ACOXL: variants seen among roughly 807,000 people sequenced by gnomAD.
ACOXL encodes the protein acyl-coenzyme A oxidase-like protein.
ACOXL carries 70 observed loss-of-function variants against 71.9 expected under a neutral mutation model. The ratio of observed to expected loss-of-function variants is 0.97; its 90% CI spans 0.80 to 1.19. ACOXL has a LOEUF of 1.19. ACOXL is among the 50% of genes most tolerant of loss of function. ACOXL has a pLI of 0.00. For synonymous variants in ACOXL, 253 were observed against 281.6 expected, an observed-to-expected ratio of 0.90 and a Z score of 1.02; for missense variants, 703 against 736.3, an observed-to-expected ratio of 0.95 and a Z score of 0.52.
At chr2:110,742,214 G>T (rs899397541) in intron 1 of ACOXL, among the ~76,000 whole-genome samples, 1 of 152,158 alleles carries the variant, frequency 6.6e-6, no homozygotes, top group Non-Finnish European at 1.5e-5. Context: ...GGGTAATTTT[G>T]TAAAGGCTTT....
chr2:110,940,933 T>G (rs774435668), intron 12 of ACOXL, among the ~76,000 whole-genome samples: 1 of 149,372 alleles, frequency 6.7e-6, no homozygotes. Flanking sequence ...TATTTTAGTC[T>G]TTTAACTCCT....
chr2:110,842,587 A>G (rs977704215), intron 10 of ACOXL, among the ~76,000 whole-genome samples: 4 of 152,172 alleles, frequency 2.6e-5, no homozygotes, highest in African/African-American at 4.8e-5. Context: ...AGTTGTAGAG[A>G]TGGATAATTG....
intron 5 of ACOXL, among the ~76,000 whole-genome samples, chr2:110,796,652 C>T (rs751658428): frequency 1.3e-5 from 2 of 152,196 alleles, no homozygotes; most frequent in Admixed American, 6.5e-5. Flanking sequence ...CGCCCACCCA[C>T]ATGGGTTGTA....
At chr2:111,057,834 A>C (rs2149866938) in intron 16 of ACOXL, among the ~76,000 whole-genome samples, 1 of 152,368 alleles carries the variant, frequency 6.6e-6, no homozygotes, top group Non-Finnish European at 1.5e-5. Context: ...CTGCTCCTTG[A>C]TACTTCATTG....
chr2:110,874,781 C>T (rs989346283), intron 10 of ACOXL, among the ~76,000 whole-genome samples: 1 of 152,100 alleles, frequency 6.6e-6, no homozygotes, highest in Admixed American at 6.5e-5. Context: ...GTTTATTATT[C>T]GCATCATTTT....
intron 16 of ACOXL, among the ~76,000 whole-genome samples, chr2:111,054,377 CTT>C (rs1229287413): frequency 6.6e-6 from 1 of 152,172 alleles, no homozygotes; most frequent in African/African-American, 2.4e-5. Context: ...CAGATGATAC[CTT>C]GATCTAAGCA....
At chr2:110,795,545 C>T (rs1685185615) in intron 5 of ACOXL, 1 of 152,208 alleles carries the variant, frequency 6.6e-6, no homozygotes, top group African/African-American at 2.4e-5. Flanking sequence ...CATTTCATTT[C>T]AAATGTTCTG....
chr2:110,828,360 C>T (rs1262904397), intron 9 of ACOXL, among the ~76,000 whole-genome samples: 4 of 152,172 alleles, frequency 2.6e-5, no homozygotes, highest in African/African-American at 9.7e-5. Context: ...ATTTTCCTTT[C>T]CTTTAGATTA....
chr2:111,037,784 CCAGA>C (rs2065589858), intron 15 of ACOXL, among the ~76,000 whole-genome samples: 1 of 152,140 alleles, frequency 6.6e-6, no homozygotes, highest in African/African-American at 2.4e-5. Flanking sequence ...ACAGCTTTCC[CCAGA>C]CAGACAGTGG....
rs1684945475 is a variant in ACOXL at position 110,793,702 on chromosome 2, C to G, written c.212C>G (p.Pro71Arg). 2.5e-6 allele frequency: 4 copies of G among 1,613,958 alleles called. No homozygotes were observed. Among genetic ancestry groups the G allele is most frequent in the Admixed American group, 1.7e-5 (1 of 60,000 alleles). ...FGGAIRNLGS[P>R]EHVTKWFQPL... ...GGTGCTATCAGGAATCTCGGAAGCC[C>G]TGAACATGTTACTAAGTGGTTTCAG... is the stretch of plus-strand genomic sequence containing the variant. Residue 71 changes from proline (P) to arginine (R), a missense_variant, in exon 4 of 18, where the codon CCT (proline) becomes CGT (arginine). Pro to Arg is a moderately radical substitution (Grantham distance 103). Transcript: ENST00000439055.
intron 1 of ACOXL, among the ~76,000 whole-genome samples, chr2:110,755,514 G>C (rs1277821166): frequency 6.6e-6 from 1 of 152,170 alleles, no homozygotes; most frequent in African/African-American, 2.4e-5. Flanking sequence ...TGGAGCATAA[G>C]GATGTTTCTA....
intron 11 of ACOXL, among the ~76,000 whole-genome samples, chr2:110,915,348 ATATGTGTGTGTG>A (rs1326422230): frequency 2.0e-4 from 25 of 127,166 alleles, no homozygotes; most frequent in Admixed American, 1.9e-3. Flanking sequence ...ATATATATAT[ATATGTGTGTGTG>A]TGTGTGTGTG....
chr2:110,787,403 A>G lies in ACOXL; in HGVS notation c.159+2588A>G, dbSNP rs528511679. Among the ~76,000 whole-genome samples, 10 of 151,906 alleles carry G rather than the reference A, an allele frequency of 6.6e-5. No homozygotes were observed. In the East Asian group the frequency reaches 7.8e-4, roughly 12 times the overall value. ...CAAAAAATTAGCCGGGCGTGGTGGC[A>G]GACGCCTGTAGTCCCAGCTACTCGG... On this transcript the variant is annotated intron_variant, in intron 3 of 17. Transcript: ENST00000439055.
chr2:110,749,859 G>A (rs1559213868), intron 1 of ACOXL, among the ~76,000 whole-genome samples: 2 of 152,180 alleles, frequency 1.3e-5, no homozygotes, highest in African/African-American at 4.8e-5. Context: ...CACGTCCTCA[G>A]GGTCCCCTGG....
intron 17 of ACOXL, chr2:111,093,687 A>T: frequency 1.5e-6 from 1 of 660,652 alleles, no homozygotes; most frequent in Non-Finnish European, 2.5e-6. Context: ...CAACATGGTG[A>T]AACCCTGTCT....
chr2:111,017,432 G>A (rs1022864472), intron 14 of ACOXL, among the ~76,000 whole-genome samples: 1 of 152,256 alleles, frequency 6.6e-6, no homozygotes. Context: ...AAGCTCAGCA[G>A]TGGCAGCAGC....
At position 111,088,043 on chromosome 2, in the gene ACOXL, GC is replaced by G. The variant is rs2068309248; in HGVS notation, c.1441-4821del. On this transcript the variant is annotated intron_variant, in intron 16 of 17. Coordinates refer to ENST00000439055, the MANE Select transcript of ACOXL (RefSeq NM_001142807.4). ...GTGGCCAAAAAGCATATGAAAAAAT[GC>G]TCAATATCACTAATCATTAGAGAAA... 3.9e-5 allele frequency among the ~76,000 whole-genome samples: 6 copies of G among 152,160 alleles called. No homozygotes were observed. In the South Asian group the frequency reaches 1.2e-3, roughly 32 times the overall value.
chr2:110,832,679 C>T (rs891467519), intron 9 of ACOXL, among the ~76,000 whole-genome samples: 1 of 151,844 alleles, frequency 6.6e-6, no homozygotes, highest in Non-Finnish European at 1.5e-5. Context: ...AATCACATAT[C>T]TGACAAAGGA....
rs34917698 is a variant in ACOXL, at chr2:110,785,370, T to TTGTGTG, written c.159+580_159+585dup. On this transcript the variant is annotated intron_variant, in intron 3 of 17. Coordinates refer to ENST00000439055, the MANE Select transcript of ACOXL (RefSeq NM_001142807.4). ...TTCACGAGTTTTTACATGCACTCAG[T>TTGTGTG]TGTGTGTGTGTGTGTGTGTGTGTGT... is the stretch of plus-strand genomic sequence containing the variant. Among the ~76,000 whole-genome samples the TTGTGTG allele has an allele frequency of 8.0e-3, 1,171 of 145,644 alleles. 9 individuals carry two copies. The highest frequency in any genetic ancestry group is 0.022 in the African/African-American group (882 of 39,348).
Sources: allele counts gnomAD v4.1 joint callset (sites outside exome capture counted in the v4.1 genomes callset), GRCh38; gene constraint gnomAD v4.1.1; transcripts MANE v1.5; gene names NCBI Gene and HGNC (gene_info 2026-07-23, HGNC 2026-07-21).